The following FUBP1 variants were observed in gnomAD, a reference collection of about 807,000 sequenced individuals.
The protein encoded by FUBP1 is far upstream element binding protein 1.
Under a neutral mutation model 94.9 loss-of-function variants are expected in FUBP1, and 16 were observed. That is an observed-to-expected ratio of 0.17 (90% CI 0.11 to 0.26). The LOEUF (loss-of-function observed/expected upper bound fraction) is 0.26, where lower values mean the gene tolerates loss of function less well. Ranked by LOEUF, FUBP1 falls within the 10% of genes least tolerant of loss-of-function variation. FUBP1 has a pLI of 1.00. For synonymous variants in FUBP1, 279 were observed against 254.9 expected, an observed-to-expected ratio of 1.09 and a Z score of -0.90; for missense variants, 583 against 808.6, an observed-to-expected ratio of 0.72 and a Z score of 3.38.
intron 1 of FUBP1, 147 bp downstream of exon 1, chr1:77,978,738 T>A: frequency 9.6e-7 from 1 of 1,041,580 alleles, no homozygotes; most frequent in Non-Finnish European, 1.4e-6. Context: ...TAATCGTTAT[T>A]ACCAACATGG....
intron 12 of FUBP1, 70 bp from the exon 13 acceptor site, chr1:77,963,785 A>AGG: frequency 7.5e-7 from 1 of 1,335,142 alleles, no homozygotes; most frequent in South Asian, 1.4e-5. Context: ...AAAATTATTA[A>AGG]GTTTATTTTT....
rs1246541095 is a variant in FUBP1, at chr1:77,946,131, C to T, written c.*2635G>A. Among the ~76,000 whole-genome samples, 8 of 151,382 alleles carry T rather than the reference C, an allele frequency of 5.3e-5. No homozygotes were observed. Among genetic ancestry groups the T allele is most frequent in the Non-Finnish European group, 3.0e-5 (2 of 67,732 alleles). ...TTGGAGGGCAAAGAAATTTTCTGTC[C>T]ATCATATAAAACAGATTGTGAAGGC... On this transcript the variant is annotated 3_prime_UTR_variant, in exon 20 of 20. Transcript: ENST00000370768.
In FUBP1 at chr1:77,960,186, G is replaced by A; in HGVS notation, c.1574C>T (p.Pro525Leu). The A allele has an allele frequency of 6.2e-7, 1 of 1,600,444 alleles. No individual in the cohort carries two copies. The highest frequency in any genetic ancestry group is 8.6e-7 in the Non-Finnish European group (1 of 1,168,526). Reference protein sequence around the residue: ...PHWQQQAPPDPAKAGTDPNSA... With the variant: ...PHWQQQAPPDLAKAGTDPNSA... ...CACAAATAATAAGCATCTTCTACCT[G>A]GATCAGGAGGAGCCTGCTGCTGCCA... Residue 525 changes from proline to leucine, a missense_variant and splice_region_variant, in exon 16 of 20, where the codon CCA becomes CTA. By Grantham distance (98) the Pro-to-Leu change is moderately conservative. Coordinates refer to ENST00000370768, the MANE Select transcript of FUBP1 (RefSeq NM_003902.5).
chr1:77,964,488 T>G (rs565098453), intron 10 of FUBP1, 132 bp from the exon 11 acceptor site: 1 of 667,088 alleles, frequency 1.5e-6, no homozygotes, highest in Admixed American at 2.9e-5. Flanking sequence ...TCTATATTTA[T>G]AGTAAATAGG....
intron 16 of FUBP1, 51 bp from the exon 17 acceptor site, chr1:77,956,751 TCA>T (rs369403301): frequency 3.4e-3 from 4,578 of 1,359,728 alleles, no homozygotes; most frequent in South Asian, 4.3e-3. Context: ...TAATTCTCTC[TCA>T]CACACACACA....
rs1159202015 is a variant in FUBP1, at chr1:77,963,773, A to G, written c.1042-58T>C. On this transcript the variant is annotated intron_variant, in intron 12 of 19. Coordinates refer to ENST00000370768, the MANE Select transcript of FUBP1 (RefSeq NM_003902.5). ...AGCACAGAAATACTTTTGTTTCATG[A>G]TAAAATTATTAAGTTTATTTTTCCC... 7 of 1,431,568 alleles carry G rather than the reference A, an allele frequency of 4.9e-6. No homozygotes were observed. In the African/African-American group the frequency reaches 8.6e-5, roughly 18 times the overall value. The allele number at this position is 1,431,568 out of a possible 1,614,324, so 88.7% of individuals were successfully genotyped here.
chr1:77,977,643 G>T (rs1658926624), intron 1 of FUBP1, among the ~76,000 whole-genome samples: 1 of 152,152 alleles, frequency 6.6e-6, no homozygotes, highest in African/African-American at 2.4e-5. Flanking sequence ...GTTCCCTTAA[G>T]TTTTACAAAT....
At chr1:77,949,597 C>CT (rs1408818289) in intron 18 of FUBP1, among the ~76,000 whole-genome samples, 1 of 151,940 alleles carries the variant, frequency 6.6e-6, no homozygotes. Flanking sequence ...AAAGAACGCT[C>CT]TTTTCTTTTT....
At chr1:77,965,339 AT>A in intron 7 of FUBP1, 108 bp from the exon 8 acceptor site, 1 of 579,944 alleles carries the variant, frequency 1.7e-6, no homozygotes, top group Non-Finnish European at 2.9e-6. Flanking sequence ...CCAGTTCAGG[AT>A]TAGGTGCCTT....
chr1:77,964,661 T>C lies in FUBP1; in HGVS notation c.822A>G (p.Gly274=). ...TTTTACTTACATCTATCCCTTCATT[T>C]CCTCCTATTCTTGACCCATACTCAT... ...VRNEYGSRIG[G]NEGIDVPIPR... Residue 274 remains glycine, a synonymous_variant, in exon 10 of 20, where the codon GGA becomes GGG. Coordinates refer to ENST00000370768, the MANE Select transcript of FUBP1 (RefSeq NM_003902.5). 7 of 1,586,142 alleles carry C rather than the reference T, an allele frequency of 4.4e-6. No homozygotes were observed. Among genetic ancestry groups the C allele is most frequent in the African/African-American group, 1.3e-5 (1 of 74,486 alleles).
chr1:77,968,837 T>A (rs1204368799), intron 2 of FUBP1, among the ~76,000 whole-genome samples: 1 of 152,088 alleles, frequency 6.6e-6, no homozygotes, highest in Non-Finnish European at 1.5e-5. Context: ...ACAGACAACC[T>A]ATAGCTCAAA....
intron 18 of FUBP1, among the ~76,000 whole-genome samples, chr1:77,954,622 T>C (rs1654107006): frequency 6.6e-6 from 1 of 152,194 alleles, no homozygotes; most frequent in South Asian, 2.1e-4. Flanking sequence ...GACAAAACTC[T>C]ACCACCTATA....
intron 18 of FUBP1, among the ~76,000 whole-genome samples, chr1:77,950,667 TCTTTA>T (rs1653282599): frequency 6.6e-6 from 1 of 152,240 alleles, no homozygotes; most frequent in Non-Finnish European, 1.5e-5. Flanking sequence ...CTATTCAGTT[TCTTTA>T]CTTAAGCACT....
At position 77,944,340 on chromosome 1, in the gene FUBP1, G is replaced by A. The variant is rs536792315; in HGVS notation, c.*4426C>T. The stretch of plus-strand genomic sequence containing the variant: ...TAAGAAAATATATATATATATATGC[G>A]CAAATACATTTAAGAGTTTCTATAG... On this transcript the variant is annotated 3_prime_UTR_variant, in exon 20 of 20. Transcript: ENST00000370768. The A allele has an allele frequency of 1.0e-5, 2 of 194,502 alleles. No individual in the cohort carries two copies. The highest frequency in any genetic ancestry group is 1.9e-4 in the South Asian group (1 of 5,190). The allele number at this position is 194,502 out of a possible 1,614,324, so 12.0% of individuals were successfully genotyped here. A position where few individuals can be genotyped will look rare whatever the true frequency, so the allele number is the denominator to read the frequency against.
chr1:77,960,564 A>C, intron 14 of FUBP1, 69 bp from the exon 15 acceptor site: 1 of 1,237,068 alleles, frequency 8.1e-7, no homozygotes, highest in Non-Finnish European at 1.1e-6. Flanking sequence ...CTACGGCCAA[A>C]TAATCATCCA....
At chr1:77,977,302 G>C (rs1479352441) in intron 1 of FUBP1, among the ~76,000 whole-genome samples, 1 of 152,172 alleles carries the variant, frequency 6.6e-6, no homozygotes, top group Non-Finnish European at 1.5e-5. Flanking sequence ...TCAGGAGTTC[G>C]AGACCAGCCT....
At chr1:77,963,506 G>T in intron 13 of FUBP1, 68 bp downstream of exon 13, 6 of 867,630 alleles carry the variant, frequency 6.9e-6, no homozygotes, top group South Asian at 5.5e-5. Context: ...ACTTGTTTAC[G>T]ACAGCAACAG....
At position 77,959,400 on chromosome 1, in the gene FUBP1, A is replaced by G. The variant is rs541298053; in HGVS notation, c.1576+784T>C. Among the ~76,000 whole-genome samples the G allele has an allele frequency of 7.9e-5, 12 of 152,290 alleles. No individual in the cohort carries two copies. In the South Asian group the frequency reaches 2.3e-3, roughly 29 times the overall value. On this transcript the variant is annotated intron_variant, in intron 16 of 19. Coordinates refer to ENST00000370768, the MANE Select transcript of FUBP1 (RefSeq NM_003902.5). ...TTGGGCTTTAGCATGCAGTTATTAA[A>G]TACAGGCCTGATTTTTACTCACATG...
At chr1:77,967,722 A>G (rs549224020) in intron 3 of FUBP1, 56 bp from the exon 4 acceptor site, 1 of 1,016,562 alleles carries the variant, frequency 9.8e-7, no homozygotes, top group African/African-American at 1.6e-5. Context: ...ATTTACTTAT[A>G]TATTTAACAA....
Sources: gnomAD v4.1 joint callset for allele counts (sites outside exome capture counted in the v4.1 genomes callset) on GRCh38, gnomAD v4.1.1 for gene constraint, MANE v1.5 for transcripts, NCBI Gene and HGNC (gene_info 2026-07-23, HGNC 2026-07-21) for gene names.